The following CSGALNACT1 variants were observed in gnomAD, a reference collection of about 807,000 sequenced individuals.
CSGALNACT1 encodes the protein beta4GalNAcT-1.
CSGALNACT1 carries 52 observed loss-of-function variants against 51.0 expected under a neutral mutation model. The ratio of observed to expected loss-of-function variants is 1.02; its 90% CI spans 0.82 to 1.29. The LOEUF is 1.29. Among genes scored for constraint, CSGALNACT1 ranks in the 50% most tolerant of loss-of-function variants. The pLI, the probability that CSGALNACT1 is intolerant of heterozygous loss-of-function variation, is 0.00. For missense variants in CSGALNACT1, 935 were observed against 679.2 expected (o/e 1.38, Z -4.19); for synonymous variants, 341 against 254.4 (o/e 1.34, Z -3.24).
intron 1 of CSGALNACT1, among the ~76,000 whole-genome samples, chr8:19,727,062 T>C (rs1372403060): frequency 6.6e-6 from 1 of 152,290 alleles, no homozygotes; most frequent in East Asian, 1.9e-4. Flanking sequence ...AAGCTTGCTA[T>C]TGGTCCAGCC....
At chr8:19,461,730 C>T (rs929827837) in intron 4 of CSGALNACT1, among the ~76,000 whole-genome samples, 11 of 150,724 alleles carry the variant, frequency 7.3e-5, no homozygotes, top group Admixed American at 3.5e-4. Flanking sequence ...CCATGGAGGG[C>T]GTATCCGCAC....
chr8:19,575,885 A>T (rs1343394512), intron 3 of CSGALNACT1, among the ~76,000 whole-genome samples: 2 of 152,134 alleles, frequency 1.3e-5, no homozygotes, highest in African/African-American at 4.8e-5. Flanking sequence ...AGTTCATTGT[A>T]CCATACTTTT....
chr8:19,652,996 T>C (rs944769354), intron 1 of CSGALNACT1, among the ~76,000 whole-genome samples: 5 of 152,182 alleles, frequency 3.3e-5, no homozygotes, highest in Admixed American at 3.3e-4. Flanking sequence ...TCTCTTTATA[T>C]ATAACTACTT....
intron 3 of CSGALNACT1, among the ~76,000 whole-genome samples, chr8:19,512,345 G>A (rs1195562637): frequency 6.6e-6 from 1 of 152,212 alleles, no homozygotes; most frequent in Non-Finnish European, 1.5e-5. Context: ...TGCAACCAGA[G>A]AGCTTGATTG....
chr8:19,584,448 T>G (rs930005646), intron 3 of CSGALNACT1, among the ~76,000 whole-genome samples: 1 of 152,234 alleles, frequency 6.6e-6, no homozygotes, highest in Non-Finnish European at 1.5e-5. Flanking sequence ...AGAGAAAGCT[T>G]AGGCTAATGG....
chr8:19,432,106 T>A (rs2059735913), intron 6 of CSGALNACT1, among the ~76,000 whole-genome samples: 1 of 152,206 alleles, frequency 6.6e-6, no homozygotes, highest in Non-Finnish European at 1.5e-5. Context: ...TGTCCTTTCA[T>A]GTCCGCCCCA....
intron 1 of CSGALNACT1, among the ~76,000 whole-genome samples, chr8:19,631,256 C>T (rs555022005): frequency 6.6e-6 from 1 of 151,888 alleles, no homozygotes; most frequent in South Asian, 2.1e-4. Flanking sequence ...CTATGTTTAG[C>T]TTTGGAAAAA....
intron 6 of CSGALNACT1, among the ~76,000 whole-genome samples, chr8:19,433,914 C>G (rs1034466664): frequency 6.6e-6 from 1 of 152,128 alleles, no homozygotes; most frequent in Non-Finnish European, 1.5e-5. Context: ...TATCTCCAAC[C>G]CCATTTTGTT....
At chr8:19,627,415 A>G (rs1346950681) in intron 1 of CSGALNACT1, among the ~76,000 whole-genome samples, 3 of 152,194 alleles carry the variant, frequency 2.0e-5, no homozygotes, top group Admixed American at 2.0e-4. Flanking sequence ...AGATTGCACA[A>G]GGAAGTTAGT....
intron 1 of CSGALNACT1, chr8:19,682,333 T>A (rs1192574945): frequency 3.4e-6 from 1 of 295,312 alleles, no homozygotes; most frequent in Non-Finnish European, 6.7e-6. Context: ...TCAGAGTGTT[T>A]GCTAATGAGT....
intron 1 of CSGALNACT1, among the ~76,000 whole-genome samples, chr8:19,663,304 G>A (rs763325481): frequency 7.2e-5 from 11 of 152,040 alleles, no homozygotes; most frequent in Non-Finnish European, 1.5e-4. Flanking sequence ...CCCTTCCTAC[G>A]ATGGTTGAAG....
At chr8:19,704,327 C>A (rs1276460226) in intron 1 of CSGALNACT1, among the ~76,000 whole-genome samples, 1 of 152,146 alleles carries the variant, frequency 6.6e-6, no homozygotes, top group Admixed American at 6.6e-5. Context: ...TCCAAAGTAC[C>A]ATTAATACTT....
chr8:19,436,534 C>A (rs1265318317), intron 6 of CSGALNACT1, among the ~76,000 whole-genome samples: 2 of 152,056 alleles, frequency 1.3e-5, no homozygotes, highest in African/African-American at 2.4e-5. Flanking sequence ...AAATAAGATA[C>A]CTCTGAACAA....
chr8:19,408,746 A>T (rs1380839661), intron 8 of CSGALNACT1, 52 bp from the exon 8 acceptor site: 1 of 1,545,458 alleles, frequency 6.5e-7, no homozygotes, highest in African/African-American at 1.4e-5. Context: ...GGACAAAAAT[A>T]GAGTGTTCAC....
At chr8:19,573,378 G>T (rs1481714607) in intron 3 of CSGALNACT1, among the ~76,000 whole-genome samples, 1 of 152,280 alleles carries the variant, frequency 6.6e-6, no homozygotes, top group Middle Eastern at 3.4e-3. Context: ...TGAAAACCTT[G>T]GCAGGTGCCA....
chr8:19,458,587 C>T, exon 5 of CSGALNACT1: 1 of 1,614,036 alleles, frequency 6.2e-7, no homozygotes, highest in Non-Finnish European at 8.5e-7. Flanking sequence ...GTTTGTGGTC[C>T]CCTTTGAAGG....
rs116912555 is a variant in CSGALNACT1, at chr8:19,502,990, C to G, written c.634+2211G>C. On this transcript the variant is annotated intron_variant, in intron 4 of 9. Transcript: ENST00000454498. Reference sequence around the variant, plus strand: ...GAAACATCACTATTCTCAAAGCTGGCCCCTTATACTGCACTTAATTCTATC... The same window carrying G: ...GAAACATCACTATTCTCAAAGCTGGGCCCTTATACTGCACTTAATTCTATC... 1.4e-4 allele frequency among the ~76,000 whole-genome samples: 21 copies of G among 152,290 alleles called. No individual in the cohort carries two copies. The East Asian group carries it at 4.1e-3, about 29-fold the overall frequency.
chr8:19,458,479 G>GCTT (rs2064622032), exon 5 of CSGALNACT1: 1 of 1,614,050 alleles, frequency 6.2e-7, no homozygotes, highest in Admixed American at 1.7e-5. Context: ...CTAGAGGCAC[G>GCTT]ATAACATTGA....
chr8:19,561,383 C>T (rs2975439), intron 3 of CSGALNACT1, among the ~76,000 whole-genome samples: 1 of 152,136 alleles, frequency 6.6e-6, no homozygotes, highest in Non-Finnish European at 1.5e-5. Context: ...TGGATAAGTG[C>T]TTCATGACCA....
Sources: allele counts gnomAD v4.1 joint callset (sites outside exome capture counted in the v4.1 genomes callset), GRCh38; gene constraint gnomAD v4.1.1; transcripts MANE v1.5; gene names NCBI Gene and HGNC (gene_info 2026-07-23, HGNC 2026-07-21).